SPOCK1: variants seen among roughly 807,000 people sequenced by gnomAD.
SPOCK1 encodes the protein SPARC (osteonectin), cwcv and kazal like domains proteoglycan 1.
A neutral mutation model predicts 55.3 loss-of-function variants in SPOCK1; 23 were observed. The ratio of observed to expected loss-of-function variants is 0.42; its 90% CI spans 0.30 to 0.59. The LOEUF is 0.59. Among genes scored for constraint, SPOCK1 ranks in the 20% least tolerant of loss-of-function variants. The pLI is 0.22. For missense variants in SPOCK1, 499 were observed against 552.5 expected (o/e 0.90, Z 0.97); for synonymous variants, 226 against 221.0 (o/e 1.02, Z -0.20).
intron 2 of SPOCK1, among the ~76,000 whole-genome samples, chr5:137,471,028 T>A (rs972383837): frequency 2.6e-5 from 4 of 152,220 alleles, no homozygotes; most frequent in African/African-American, 7.2e-5. Flanking sequence ...TTAATTGTAA[T>A]ATGAGTTAAC....
At chr5:137,335,588 C>T (rs1327043077) in intron 2 of SPOCK1, among the ~76,000 whole-genome samples, 1 of 152,218 alleles carries the variant, frequency 6.6e-6, no homozygotes, top group Non-Finnish European at 1.5e-5. Flanking sequence ...CTGCTTACGG[C>T]CTCTGCAATT....
At chr5:137,348,222 TA>T (rs1750601806) in intron 2 of SPOCK1, among the ~76,000 whole-genome samples, 1 of 152,148 alleles carries the variant, frequency 6.6e-6, no homozygotes, top group Non-Finnish European at 1.5e-5. Flanking sequence ...GGACATTCAG[TA>T]ATATGGGGTT....
At chr5:136,984,858 T>TC (rs1561570876) in intron 9 of SPOCK1, among the ~76,000 whole-genome samples, 14 of 152,322 alleles carry the variant, frequency 9.2e-5, no homozygotes, top group Admixed American at 4.6e-4. Flanking sequence ...AAAGCCAAGA[T>TC]TTGTTTTAGC....
At chr5:137,392,831 G>C (rs1751755561) in intron 2 of SPOCK1, among the ~76,000 whole-genome samples, 1 of 152,152 alleles carries the variant, frequency 6.6e-6, no homozygotes, top group Middle Eastern at 3.2e-3. Flanking sequence ...ATAGTGACTT[G>C]GTTCCCTTTC....
At chr5:137,400,894 T>C (rs575056602) in intron 2 of SPOCK1, among the ~76,000 whole-genome samples, 3 of 152,316 alleles carry the variant, frequency 2.0e-5, no homozygotes, top group Non-Finnish European at 2.9e-5. Flanking sequence ...TGGTTCCCAC[T>C]ACCCAGAGGG....
At chr5:137,246,413 A>G (rs1163006445) in intron 3 of SPOCK1, among the ~76,000 whole-genome samples, 2 of 152,162 alleles carry the variant, frequency 1.3e-5, no homozygotes, top group Non-Finnish European at 2.9e-5. Context: ...TGACCTCCCT[A>G]TAACCTACAT....
chr5:137,407,478 G>C (rs1752124702), intron 2 of SPOCK1, among the ~76,000 whole-genome samples: 1 of 152,112 alleles, frequency 6.6e-6, no homozygotes, highest in African/African-American at 2.4e-5. Context: ...GGGGGGAGTG[G>C]TGATCAGATT....
chr5:137,088,461 C>T (rs542963229), intron 5 of SPOCK1, among the ~76,000 whole-genome samples: 5 of 152,274 alleles, frequency 3.3e-5, no homozygotes, highest in Admixed American at 6.5e-5. Context: ...ATCACCTGAT[C>T]GGCCTGCTTC....
At position 137,216,038 on chromosome 5, in the gene SPOCK1, C is replaced by T. The variant is rs141794620; in HGVS notation, c.232+50972G>A. Reference sequence around the variant, plus strand: ...ATGATCCAGGGGGCATACCAAATGTCCAATGAAAGGATGGCTCATCATGTA... The same window carrying T: ...ATGATCCAGGGGGCATACCAAATGTTCAATGAAAGGATGGCTCATCATGTA... On this transcript the variant is annotated intron_variant, in intron 3 of 10. Transcript: ENST00000394945. Among the ~76,000 whole-genome samples, 545 of 152,230 alleles carry T rather than the reference C, an allele frequency of 3.6e-3. 5 individuals are homozygous for T. The highest frequency in any genetic ancestry group is 0.012 in the African/African-American group (500 of 41,536).
intron 2 of SPOCK1, among the ~76,000 whole-genome samples, chr5:137,426,542 C>G (rs1752615763): frequency 6.6e-6 from 1 of 152,176 alleles, no homozygotes. Flanking sequence ...GAGTTATTCT[C>G]CTACATTTGT....
intron 2 of SPOCK1, among the ~76,000 whole-genome samples, chr5:137,343,614 T>C (rs1428718660): frequency 6.6e-6 from 1 of 152,214 alleles, no homozygotes; most frequent in African/African-American, 2.4e-5. Context: ...AGCCCCGTTG[T>C]ATGAAATCCC....
At chr5:137,263,618 GTCTT>G (rs1214302940) in intron 3 of SPOCK1, among the ~76,000 whole-genome samples, 4 of 152,188 alleles carry the variant, frequency 2.6e-5, no homozygotes, top group South Asian at 2.1e-4. Flanking sequence ...TCTGCACAGT[GTCTT>G]TCTTTGTGGA....
At chr5:137,122,938 G>A (rs1753714787) in intron 4 of SPOCK1, among the ~76,000 whole-genome samples, 1 of 152,236 alleles carries the variant, frequency 6.6e-6, no homozygotes, top group Non-Finnish European at 1.5e-5. Flanking sequence ...TTCTGGGAGG[G>A]CTGGGTGTGA....
chr5:137,292,800 T>C, intron 2 of SPOCK1, among the ~76,000 whole-genome samples: 1 of 152,062 alleles, frequency 6.6e-6, no homozygotes, highest in East Asian at 1.9e-4. Flanking sequence ...CAATAAGAGG[T>C]AATTAAACCC....
chr5:137,334,379 C>T (rs2127152885), intron 2 of SPOCK1, among the ~76,000 whole-genome samples: 2 of 152,270 alleles, frequency 1.3e-5, no homozygotes, highest in East Asian at 3.9e-4. Flanking sequence ...AACATTCCAA[C>T]AAGATGTTTG....
chr5:137,361,479 G>A lies in SPOCK1; in HGVS notation c.187-94424C>T, dbSNP rs574740481. ...CATGGGTGGGTGGAAGCATGTGTACGTGCATAGATAAAAATTATGGTTTTA... is the reference window on the plus strand; with the variant it reads ...CATGGGTGGGTGGAAGCATGTGTACATGCATAGATAAAAATTATGGTTTTA... On this transcript the variant is annotated intron_variant, in intron 2 of 10. Transcript: ENST00000394945. Among the ~76,000 whole-genome samples, 3 of 152,278 alleles carry A rather than the reference G, an allele frequency of 2.0e-5. No individual in the cohort carries two copies. The East Asian group carries it at 5.8e-4, about 29-fold the overall frequency.
chr5:137,105,963 T>A (rs1753359801), intron 5 of SPOCK1, among the ~76,000 whole-genome samples: 1 of 152,080 alleles, frequency 6.6e-6, no homozygotes, highest in Non-Finnish European at 1.5e-5. Context: ...CTCTCAAGAC[T>A]CACAGTGGTG....
At chr5:137,241,858 T>C (rs1756289669) in intron 3 of SPOCK1, among the ~76,000 whole-genome samples, 2 of 152,186 alleles carry the variant, frequency 1.3e-5, no homozygotes, top group Admixed American at 1.3e-4. Flanking sequence ...GGGGACAATT[T>C]CCCAATAGCC....
chr5:137,312,599 A>G (rs952239699), intron 2 of SPOCK1, among the ~76,000 whole-genome samples: 6 of 152,164 alleles, frequency 3.9e-5, no homozygotes, highest in African/African-American at 1.2e-4. Context: ...AGAAGTGCCA[A>G]TGCAGGAGCC....
Sources: allele counts gnomAD v4.1 joint callset (sites outside exome capture counted in the v4.1 genomes callset), GRCh38; gene constraint gnomAD v4.1.1; transcripts MANE v1.5; gene names NCBI Gene and HGNC (gene_info 2026-07-23, HGNC 2026-07-21).